RELN: variants seen among roughly 807,000 people sequenced by gnomAD.
The protein encoded by RELN is reelin.
A neutral mutation model predicts 427.6 loss-of-function variants in RELN; 108 were observed. That is an observed-to-expected ratio of 0.25 (90% CI 0.22 to 0.30). The LOEUF is 0.30. RELN is among the 10% of genes least tolerant of loss of function. RELN has a pLI of 1.00. For missense variants in RELN, 3,715 were observed against 4,302.8 expected, an observed-to-expected ratio of 0.86 and a Z score of 3.82; for synonymous variants, 1,524 against 1,513.4, an observed-to-expected ratio of 1.01 and a Z score of -0.16.
intron 3 of RELN, among the ~76,000 whole-genome samples, chr7:103,804,365 G>A (rs1792545200): frequency 1.3e-5 from 2 of 151,980 alleles, no homozygotes; most frequent in Non-Finnish European, 2.9e-5. Context: ...CAAATAAAAC[G>A]GCACTAAATA....
chr7:103,565,689 C>G (rs1206165104), intron 33 of RELN, 138 bp from the exon 34 acceptor site: 5 of 782,680 alleles, frequency 6.4e-6, no homozygotes, highest in Non-Finnish European at 2.0e-6. Context: ...TTTGACTTTT[C>G]TTCTTATATT....
chr7:103,493,185 C>T (rs1226644018), intron 57 of RELN, among the ~76,000 whole-genome samples: 2 of 152,030 alleles, frequency 1.3e-5, no homozygotes, highest in South Asian at 2.1e-4. Context: ...AGTACTTAGT[C>T]AACTGTTGAT....
At chr7:103,795,159 C>T (rs1792269602) in intron 3 of RELN, among the ~76,000 whole-genome samples, 1 of 152,220 alleles carries the variant, frequency 6.6e-6, no homozygotes, top group Non-Finnish European at 1.5e-5. Flanking sequence ...ACAATCATAA[C>T]AAGCTTCCTG....
At position 103,482,919 on chromosome 7, in the gene RELN, C is replaced by T; in HGVS notation, c.10234G>A (p.Gly3412Arg). ...AAAGCCCATTGATCATGACCTGTTC[C>T]ATTGTGGCGTGGTTGCCACCAGCGC... Reference protein sequence around the residue: ...LLRWWQPRHNGTGHDQWALDH... With the variant: ...LLRWWQPRHNRTGHDQWALDH... Residue 3412 changes from glycine to arginine, a missense_variant, in exon 63 of 65, where the codon GGA becomes AGA. Physicochemically the swap from Gly to Arg is moderately radical, Grantham distance 125. Transcript: ENST00000428762. The T allele has an allele frequency of 6.2e-7, 1 of 1,614,188 alleles. No homozygotes were observed. Among genetic ancestry groups the T allele is most frequent in the Non-Finnish European group, 8.5e-7 (1 of 1,180,020 alleles).
chr7:103,509,306 T>C (rs749805627), intron 51 of RELN, among the ~76,000 whole-genome samples: 3 of 152,150 alleles, frequency 2.0e-5, no homozygotes, highest in Non-Finnish European at 4.4e-5. Flanking sequence ...AAAACAGTTA[T>C]ATAGACCAAT....
At chr7:103,969,346 A>G (rs992483311) in intron 1 of RELN, among the ~76,000 whole-genome samples, 1 of 152,230 alleles carries the variant, frequency 6.6e-6, no homozygotes, top group Non-Finnish European at 1.5e-5. Flanking sequence ...TGCCATAAAA[A>G]TATTTCCTAA....
At chr7:103,873,293 G>T (rs1266372960) in intron 2 of RELN, among the ~76,000 whole-genome samples, 1 of 138,740 alleles carries the variant, frequency 7.2e-6, no homozygotes, top group East Asian at 2.3e-4. Flanking sequence ...ACAATTAAAA[G>T]AACTAGAAAA....
intron 61 of RELN, 36 bp downstream of exon 61, chr7:103,486,161 T>G: frequency 6.3e-7 from 1 of 1,591,330 alleles, no homozygotes; most frequent in South Asian, 1.1e-5. Flanking sequence ...TTGTGACTAA[T>G]TCTATGTCTG....
In RELN at chr7:103,903,654, T is replaced by G. The variant is rs1795131388; in HGVS notation, c.337+13421A>C. ...CGAAAATGTACATTTCCTGATGTTC[T>G]TTTTTTTGTTTTTGATATGATTATA... On this transcript the variant is annotated intron_variant, in intron 2 of 64. Coordinates refer to ENST00000428762, the MANE Select transcript of RELN (RefSeq NM_005045.4). Among the ~76,000 whole-genome samples, 3 of 150,926 alleles carry G rather than the reference T, an allele frequency of 2.0e-5. No individual in the cohort carries two copies. In the South Asian group the frequency reaches 6.2e-4, roughly 31 times the overall value.
At chr7:103,600,579 A>G (rs1374861318) in intron 24 of RELN, among the ~76,000 whole-genome samples, 1 of 152,186 alleles carries the variant, frequency 6.6e-6, no homozygotes, top group Non-Finnish European at 1.5e-5. Flanking sequence ...CCCTTGCACC[A>G]GCCCCATTTA....
chr7:103,858,763 G>A (rs564683074), intron 2 of RELN, among the ~76,000 whole-genome samples: 5 of 152,128 alleles, frequency 3.3e-5, no homozygotes, highest in Admixed American at 2.0e-4. Context: ...GTGTAGTAGC[G>A]GTGCTCTAAC....
intron 51 of RELN, among the ~76,000 whole-genome samples, chr7:103,503,914 A>C (rs994450866): frequency 2.7e-5 from 4 of 148,514 alleles, no homozygotes; most frequent in East Asian, 1.9e-4. Flanking sequence ...AAAAAAAAAA[A>C]AAAACTAGAG....
chr7:103,553,711 T>G lies in RELN; in HGVS notation c.5918A>C (p.Tyr1973Ser), dbSNP rs1830464268. 1.2e-6 allele frequency: 2 copies of G among 1,614,154 alleles called. No homozygotes were observed. Among genetic ancestry groups the G allele is most frequent in the East Asian group, 4.5e-5 (2 of 44,874 alleles). The change falls in exon 39 of 65, where the codon TAT (tyrosine) becomes TCT (serine). Residue 1973 changes from tyrosine to serine, a missense_variant. By Grantham distance (144) the Tyr-to-Ser change is moderately radical. Around this residue, in one of 4 missense-constraint regions of RELN, gnomAD observed 1,310 missense variants for 1,643.0 expected, o/e 0.80. Coordinates refer to ENST00000428762, the MANE Select transcript of RELN (RefSeq NM_005045.4). ...FGPREDNWFF[Y>S]PGGNIGLYCP... ...ATAAAGACCGATGTTACCACCAGGA[T>G]AGAAAAACCAATTGTCTTCTCTGGG... is the stretch of plus-strand genomic sequence containing the variant.
Position 103,542,482 on chromosome 7 carries a change from T to C in RELN, c.6671+249A>G, listed in dbSNP as rs145439220. Among the ~76,000 whole-genome samples the C allele has an allele frequency of 1.1e-3, 166 of 152,350 alleles. No individual in the cohort carries two copies. In the Middle Eastern group the frequency reaches 0.014, roughly 12 times the overall value. On this transcript the variant is annotated intron_variant, in intron 43 of 64. Transcript: ENST00000428762. ...ACTTCCTAATCTCAGTCTTATAAAA[T>C]ACCAGATGTTAATTTTTGCCTGTTT...
intron 8 of RELN, among the ~76,000 whole-genome samples, chr7:103,711,037 C>T (rs775058709): frequency 2.6e-5 from 4 of 151,308 alleles, no homozygotes; most frequent in South Asian, 2.1e-4. Flanking sequence ...AGCGAGACTC[C>T]GTCTCAAAAA....
chr7:103,898,999 C>A (rs1384039529), intron 2 of RELN, among the ~76,000 whole-genome samples: 2 of 151,722 alleles, frequency 1.3e-5, no homozygotes, highest in Non-Finnish European at 2.9e-5. Flanking sequence ...CGGTGCTTCC[C>A]AAACTGTCCC....
At chr7:103,840,558 G>A (rs528306377) in intron 2 of RELN, among the ~76,000 whole-genome samples, 50 of 152,138 alleles carry the variant, frequency 3.3e-4, no homozygotes, top group South Asian at 6.2e-4. Flanking sequence ...AGAAAAATGG[G>A]AGAACATGAC....
At chr7:103,653,061 T>C (rs925568375) in intron 13 of RELN, among the ~76,000 whole-genome samples, 7 of 152,010 alleles carry the variant, frequency 4.6e-5, no homozygotes, top group Non-Finnish European at 1.5e-5. Flanking sequence ...AGCATGTGTA[T>C]CCATTTTATT....
At chr7:103,497,170 CTCT>C (rs150402577) in intron 55 of RELN, among the ~76,000 whole-genome samples, 7,876 of 152,170 alleles carry the variant, frequency 0.052, 237 homozygotes, top group South Asian at 0.1. Flanking sequence ...TAAAGTTTAT[CTCT>C]TCTTGCTTGA....
Sources: allele counts gnomAD v4.1 joint callset (sites outside exome capture counted in the v4.1 genomes callset), GRCh38; gene constraint gnomAD v4.1.1; regional missense constraint gnomAD v4.1.1; transcripts MANE v1.5; gene names NCBI Gene and HGNC (gene_info 2026-07-23, HGNC 2026-07-21).